The following FSD1 variants were observed in gnomAD, a reference collection of about 807,000 sequenced individuals.
FSD1 encodes fibronectin type III and SPRY domain-containing protein 1.
Under a neutral mutation model 58.2 loss-of-function variants are expected in FSD1, and 23 were observed. That is an observed-to-expected ratio of 0.40 (90% confidence interval 0.28 to 0.56). FSD1 has a LOEUF of 0.56. Among genes scored for constraint, FSD1 ranks in the 20% least tolerant of loss-of-function variants. FSD1 has a pLI of 0.54. For synonymous variants in FSD1, 265 were observed against 263.4 expected, an observed-to-expected ratio of 1.01 and a Z score of -0.06; for missense variants, 563 against 670.8, an observed-to-expected ratio of 0.84 and a Z score of 1.78.
Position 4,306,013 on chromosome 19 carries a change from C to G in FSD1, c.83C>G (p.Ser28Cys). ...KNEEIQSFIY[S>C]LKQMLLNVEA... is the part of the protein sequence containing the mutation. ...GAAGAAATTCAGAGCTTTATCTACT[C>G]CCTGAAACAGATGCTGCTGAACGTG... The change falls in exon 2 of 13, where the codon TCC (serine) becomes TGC (cysteine). Residue 28 changes from serine to cysteine, a missense_variant. Transcript: ENST00000221856. 6.2e-7 allele frequency: 1 copy of G among 1,614,106 alleles called. No individual in the cohort carries two copies. Among genetic ancestry groups the G allele is most frequent in the Non-Finnish European group, 8.5e-7 (1 of 1,179,964 alleles).
chr19:4,318,839 C>T, intron 9 of FSD1, 33 bp from the exon 10 acceptor site: 1 of 1,566,806 alleles, frequency 6.4e-7, no homozygotes. Flanking sequence ...TGAACTGAGC[C>T]TCCTGAGCCT....
intron 1 of FSD1, among the ~76,000 whole-genome samples, chr19:4,305,111 G>C (rs1160884698): frequency 4.7e-5 from 5 of 106,070 alleles, no homozygotes; most frequent in African/African-American, 1.8e-4. Context: ...CAGCTCCGCA[G>C]TGCGGACCCC....
chr19:4,311,997 G>C lies in FSD1; in HGVS notation c.646G>C (p.Asp216His). ...NFEGPPRLKE[D>H]QPWMVIEGIR... ...CGAGGGCCCGCCCCGCCTCAAGGAG[G>C]ACCAGCCCTGGATGGTCATCGAGGG... The change falls in exon 7 of 13, where the codon GAC (aspartate) becomes CAC (histidine). Residue 216 changes from aspartate to histidine, a missense_variant. Transcript: ENST00000221856. 1 of 1,613,318 alleles carries C rather than the reference G, an allele frequency of 6.2e-7. No homozygotes were observed. The highest frequency in any genetic ancestry group is 2.2e-5 in the East Asian group (1 of 44,882).
intron 3 of FSD1, among the ~76,000 whole-genome samples, chr19:4,306,784 T>TCA (rs1971627552): frequency 6.6e-6 from 1 of 152,000 alleles, no homozygotes; most frequent in Non-Finnish European, 1.5e-5. Flanking sequence ...CCCCTCTCCA[T>TCA]CACGGCGTCC....
At chr19:4,312,921 C>G (rs963957199) in intron 7 of FSD1, among the ~76,000 whole-genome samples, 2 of 151,946 alleles carry the variant, frequency 1.3e-5, no homozygotes, top group African/African-American at 2.4e-5. Flanking sequence ...TCAAGCAGTC[C>G]TGCCTCAGCC....
Position 4,323,359 on chromosome 19 carries a change from T to G in FSD1, c.1303T>G (p.Phe435Val), listed in dbSNP as rs746323027. ...CCCCCCGACCCCAGGCCTCCTGTCC[T>G]TCTACAATGCCCGCACCAAACAAGT... ...HCDFHQGLLS[F>V]YNARTKQVLH... The change falls in exon 12 of 13, where the codon TTC becomes GTC. Residue 435 changes from phenylalanine to valine, a missense_variant. By Grantham distance (50) the Phe-to-Val change is conservative (BLOSUM62 -1). Coordinates refer to ENST00000221856, the MANE Select transcript of FSD1 (RefSeq NM_024333.3). This position sits in a 1 kb window ranked among gnomAD's most constrained non-coding sequence, Gnocchi z 7.7. The G allele has an allele frequency of 6.2e-7, 1 of 1,613,322 alleles. No individual in the cohort carries two copies. The highest frequency in any genetic ancestry group is 2.2e-5 in the East Asian group (1 of 44,842).
rs747036582 is a variant in FSD1 at position 4,323,460 on chromosome 19, G to A, written c.1380+24G>A. 3 of 1,607,194 alleles carry A rather than the reference G, an allele frequency of 1.9e-6. No individual in the cohort carries two copies. The highest frequency in any genetic ancestry group is 1.7e-5 in the Admixed American group (1 of 59,632). On this transcript the variant is annotated intron_variant, in intron 12 of 12. Coordinates refer to ENST00000221856, the MANE Select transcript of FSD1 (RefSeq NM_024333.3). The surrounding 1 kb of genome is among the most constrained non-coding windows in gnomAD (Gnocchi z 7.7). ...CGGTGAGCTGCCCTCCGCGGCCCAG[G>A]GGGAGGAGAGGGTGGTGCTGGGCGC...
Position 4,323,175 on chromosome 19 carries a change from A to G in FSD1, c.1229A>G (p.Lys410Arg), listed in dbSNP as rs1220864730. 6 of 1,604,898 alleles carry G rather than the reference A, an allele frequency of 3.7e-6. No homozygotes were observed. In the African/African-American group the frequency reaches 5.3e-5, roughly 14 times the overall value. ...QVSFTAKHAN[K>R]VKVLDAPVPD... ...AGCTTCACGGCCAAGCACGCCAACA[A>G]GGTCAAGGTGCTGGACGCCCCCGTG... is the stretch of plus-strand genomic sequence containing the variant. The change falls in exon 11 of 13, where the codon AAG becomes AGG. Residue 410 changes from lysine to arginine, a missense_variant. Coordinates refer to ENST00000221856, the MANE Select transcript of FSD1 (RefSeq NM_024333.3). The surrounding 1 kb of genome is among the most constrained non-coding windows in gnomAD (Gnocchi z 7.7).
At chr19:4,317,100 T>C (rs1450914710) in intron 7 of FSD1, 82 bp from the exon 8 acceptor site, 4 of 822,054 alleles carry the variant, frequency 4.9e-6, no homozygotes, top group Non-Finnish European at 8.6e-6. Flanking sequence ...TGGGAATCAC[T>C]GTGGGACATG....
chr19:4,312,156 T>A, intron 7 of FSD1, 105 bp downstream of exon 7: 1 of 1,035,492 alleles, frequency 9.7e-7, no homozygotes, highest in Non-Finnish European at 1.4e-6. Context: ...TCCCCAAAGC[T>A]CATGGGGTCT....
chr19:4,316,000 AT>A (rs554473160), intron 7 of FSD1, among the ~76,000 whole-genome samples: 2 of 150,146 alleles, frequency 1.3e-5, no homozygotes, highest in South Asian at 4.2e-4. Context: ...TCCTGACCTT[AT>A]GGGTTCCTCC....
At chr19:4,309,915 A>C (rs1282554784) in intron 4 of FSD1, among the ~76,000 whole-genome samples, 1 of 146,460 alleles carries the variant, frequency 6.8e-6, no homozygotes, top group East Asian at 2.0e-4. Flanking sequence ...TCTCAAAAAA[A>C]AAAAAACACA....
At chr19:4,320,267 G>A (rs1468965579) in intron 10 of FSD1, among the ~76,000 whole-genome samples, 2 of 152,064 alleles carry the variant, frequency 1.3e-5, no homozygotes, top group Admixed American at 1.3e-4. Context: ...TTGAGTCCTG[G>A]GGAGTATCTG....
chr19:4,314,391 G>A (rs1971729745), intron 7 of FSD1, among the ~76,000 whole-genome samples: 1 of 151,948 alleles, frequency 6.6e-6, no homozygotes, highest in Non-Finnish European at 1.5e-5. Flanking sequence ...TCCACAGGAA[G>A]TTGCCAAAAC....
intron 7 of FSD1, among the ~76,000 whole-genome samples, chr19:4,314,488 C>CTTTTTTTTTTTTTTT (rs1198326761): frequency 7.3e-6 from 1 of 137,872 alleles, no homozygotes; most frequent in East Asian, 2.0e-4. Flanking sequence ...CACATTCTAC[C>CTTTTTTTTTTTTTTT]TTTTTTTTTT....
rs781188528 is a variant in FSD1 at position 4,323,559 on chromosome 19, G to A, written c.1407G>A (p.Thr469=). The A allele has an allele frequency of 1.9e-5, 31 of 1,612,090 alleles. No individual in the cohort carries two copies. Among genetic ancestry groups the A allele is most frequent in the Middle Eastern group, 1.7e-4 (1 of 6,044 alleles). The change falls in exon 13 of 13, where the codon ACG becomes ACA. Residue 469 remains threonine, a synonymous_variant. Transcript: ENST00000221856. The surrounding 1 kb of genome is among the most constrained non-coding windows in gnomAD (Gnocchi z 7.7). ...FTVWCGSFQV[T]TGLQVPSAVR... ...TATGGTGTGGCAGCTTCCAGGTGAC[G>A]ACAGGCCTGCAGGTCCCCAGTGCTG...
chr19:4,319,059 C>A (rs753572021), intron 10 of FSD1, 108 bp downstream of exon 10: 1 of 803,876 alleles, frequency 1.2e-6, no homozygotes, highest in Non-Finnish European at 2.1e-6. Context: ...CAGCCATCAG[C>A]AAAGCTGCTC....
At chr19:4,322,734 G>A (rs1971714226) in intron 10 of FSD1, among the ~76,000 whole-genome samples, 1 of 152,006 alleles carries the variant, frequency 6.6e-6, no homozygotes, top group South Asian at 2.1e-4. Context: ...TGGGGCCCAA[G>A]GAGTATCTGG....
Position 4,304,705 on chromosome 19 carries a change from GC to G in FSD1, c.-41del. ...AAGGCAGCTTGGGGACCCAGCGTGC[GC>G]GGGGCCCGCGGGCCGGGCCGGGGTG... On this transcript the variant is annotated 5_prime_UTR_variant, in exon 1 of 13. Transcript: ENST00000221856. The G allele has an allele frequency of 8.2e-7, 1 of 1,217,998 alleles. No individual in the cohort carries two copies. The allele number at this position is 1,217,998 out of a possible 1,614,324, so 75.4% of individuals were successfully genotyped here. A position where few individuals can be genotyped will look rare whatever the true frequency, so the allele number is the denominator to read the frequency against.
Sources: allele counts gnomAD v4.1 joint callset (sites outside exome capture counted in the v4.1 genomes callset), GRCh38; gene constraint gnomAD v4.1.1; non-coding constraint Gnocchi (gnomAD v3.1); transcripts MANE v1.5; gene names NCBI Gene and HGNC (gene_info 2026-07-23, HGNC 2026-07-21).